Variants in PDE1C observed in about 807,000 individuals in gnomAD.
The protein encoded by PDE1C is phosphodiesterase 1C.
In PDE1C, 62 loss-of-function variants were observed where a neutral mutation model predicts 93.1. That is an observed-to-expected ratio of 0.67 (90% CI 0.54 to 0.82). PDE1C has a LOEUF of 0.82. PDE1C is among the 40% of genes least tolerant of loss of function. The pLI is 0.00. For synonymous variants in PDE1C, 325 were observed against 310.1 expected (o/e 1.05, Z -0.50); for missense variants, 742 against 884.6 (o/e 0.84, Z 2.04).
intron 1 of PDE1C, among the ~76,000 whole-genome samples, chr7:32,399,143 G>A (rs772326584): frequency 2.0e-5 from 3 of 152,190 alleles, no homozygotes; most frequent in Non-Finnish European, 4.4e-5. Context: ...TGAGGAGCTG[G>A]GAAGAGGTGT....
At chr7:32,134,893 TC>T (rs1213451768) in intron 3 of PDE1C, among the ~76,000 whole-genome samples, 2 of 152,170 alleles carry the variant, frequency 1.3e-5, no homozygotes, top group Non-Finnish European at 1.5e-5. Flanking sequence ...ACCTGCACGT[TC>T]TGCACATGTA....
chr7:32,083,605 G>C (rs1180659339), intron 3 of PDE1C, among the ~76,000 whole-genome samples: 2 of 152,188 alleles, frequency 1.3e-5, no homozygotes, highest in African/African-American at 2.4e-5. Context: ...CAGAGAGAAA[G>C]GTCGGATTAC....
intron 1 of PDE1C, among the ~76,000 whole-genome samples, chr7:32,224,873 G>A (rs1012786675): frequency 6.6e-6 from 1 of 151,762 alleles, no homozygotes; most frequent in Non-Finnish European, 1.5e-5. Context: ...TTGATCTTAC[G>A]TTAGAAGAAA....
chr7:31,712,134 C>T, the PDE1C span, among the ~76,000 whole-genome samples: 1 of 152,288 alleles, frequency 6.6e-6, no homozygotes, highest in East Asian at 1.9e-4. Context: ...TGTGATCATC[C>T]ATTTGTATAA....
chr7:31,681,036 C>T, the PDE1C span, among the ~76,000 whole-genome samples: 1 of 152,208 alleles, frequency 6.6e-6, no homozygotes, highest in African/African-American at 2.4e-5. Context: ...GATTCACTTA[C>T]ATTCCTGGGG....
At chr7:31,732,636 T>TTGTGTGTGTGTGTGTGTGTGTG in the PDE1C span, among the ~76,000 whole-genome samples, 2 of 103,128 alleles carry the variant, frequency 1.9e-5, no homozygotes, top group African/African-American at 6.7e-5. Context: ...TCTCCTCTCT[T>TTGTGTGTGTGTGTGTGTGTGTG]TCTGTGTGTG....
intron 1 of PDE1C, among the ~76,000 whole-genome samples, chr7:32,226,509 T>C (rs921437500): frequency 6.6e-6 from 1 of 152,148 alleles, no homozygotes; most frequent in Non-Finnish European, 1.5e-5. Context: ...TGAGGAGAAA[T>C]GCAACCAGTA....
At chr7:32,391,014 T>G (rs1784738801) in intron 1 of PDE1C, among the ~76,000 whole-genome samples, 1 of 151,356 alleles carries the variant, frequency 6.6e-6, no homozygotes, top group South Asian at 2.1e-4. Context: ...ATAGCAAAAA[T>G]GGCAGACACA....
At chr7:32,374,259 GAAA>G (rs1562695990) in intron 1 of PDE1C, among the ~76,000 whole-genome samples, 1 of 94,244 alleles carries the variant, frequency 1.1e-5, no homozygotes, top group Non-Finnish European at 2.3e-5. Flanking sequence ...AGGAAAGGAA[GAAA>G]GAAAGAAAGA....
chr7:31,860,301 G>C (rs1216452016), intron 7 of PDE1C, among the ~76,000 whole-genome samples: 1 of 152,086 alleles, frequency 6.6e-6, no homozygotes, highest in Non-Finnish European at 1.5e-5. Flanking sequence ...CTACAGGTCA[G>C]GCATACTGCT....
At chr7:32,154,795 G>A (rs1801467745) in intron 3 of PDE1C, among the ~76,000 whole-genome samples, 1 of 152,268 alleles carries the variant, frequency 6.6e-6, no homozygotes, top group Non-Finnish European at 1.5e-5. Flanking sequence ...CACAGGTGTT[G>A]CTGGTGACTT....
At chr7:32,360,690 G>A (rs1784120485) in intron 1 of PDE1C, among the ~76,000 whole-genome samples, 2 of 152,174 alleles carry the variant, frequency 1.3e-5, no homozygotes, top group Admixed American at 6.5e-5. Flanking sequence ...CAAACAAGGG[G>A]CCCTGCATTT....
chr7:32,010,660 T>G (rs1786954954), intron 2 of PDE1C, among the ~76,000 whole-genome samples: 1 of 152,224 alleles, frequency 6.6e-6, no homozygotes, highest in African/African-American at 2.4e-5. Context: ...CTTACAATTA[T>G]GGAGGCTAGA....
intron 3 of PDE1C, among the ~76,000 whole-genome samples, chr7:32,131,596 G>A (rs1799923750): frequency 6.6e-6 from 1 of 152,000 alleles, no homozygotes; most frequent in African/African-American, 2.4e-5. Context: ...CTTTGCCTTA[G>A]GATAATTTAC....
chr7:32,170,018 C>T, intron 2 of PDE1C: 1 of 1,419,230 alleles, frequency 7.0e-7, no homozygotes, highest in East Asian at 2.3e-5. Context: ...CATGTCCTGC[C>T]TTCCCCAACT....
At chr7:32,357,482 A>G (rs985830191) in intron 1 of PDE1C, among the ~76,000 whole-genome samples, 2 of 152,250 alleles carry the variant, frequency 1.3e-5, no homozygotes, top group African/African-American at 4.8e-5. Context: ...TCTGAGCACT[A>G]GTTTCAGAAT....
At chr7:32,227,310 G>A (rs1480525896) in intron 1 of PDE1C, among the ~76,000 whole-genome samples, 1 of 152,120 alleles carries the variant, frequency 6.6e-6, no homozygotes, top group Non-Finnish European at 1.5e-5. Context: ...CATCCTCAGG[G>A]AAGCCCACCC....
At chr7:32,308,540 G>T (rs957189632) in intron 1 of PDE1C, among the ~76,000 whole-genome samples, 5 of 152,312 alleles carry the variant, frequency 3.3e-5, no homozygotes, top group African/African-American at 1.2e-4. Context: ...AAAACTTCCA[G>T]AGGAACAATC....
intron 1 of PDE1C, among the ~76,000 whole-genome samples, chr7:32,326,792 T>C (rs1004267924): frequency 9.9e-5 from 15 of 152,074 alleles, no homozygotes; most frequent in African/African-American, 3.4e-4. Context: ...ATAAAAGGCG[T>C]CAAGAGAACC....
Sources: allele counts gnomAD v4.1 joint callset (sites outside exome capture counted in the v4.1 genomes callset), GRCh38; gene constraint gnomAD v4.1.1; transcripts MANE v1.5; gene names NCBI Gene and HGNC (gene_info 2026-07-23, HGNC 2026-07-21).